COP1: variants seen among roughly 807,000 people sequenced by gnomAD.
COP1 encodes COP1 E3 ubiquitin ligase, also known as E3 ubiquitin-protein ligase COP1.
Under a neutral mutation model 101.3 loss-of-function variants are expected in COP1, and 24 were observed. That is an observed-to-expected ratio of 0.24 (90% CI 0.17 to 0.33). The LOEUF is 0.33. COP1 is among the 10% of genes least tolerant of loss of function. COP1 has a pLI of 1.00. For synonymous variants in COP1, 347 were observed against 341.9 expected, an observed-to-expected ratio of 1.01 and a Z score of -0.17; for missense variants, 663 against 906.2, an observed-to-expected ratio of 0.73 and a Z score of 3.45.
At chr1:176,128,779 A>T (rs1262866559) in intron 8 of COP1, among the ~76,000 whole-genome samples, 1 of 151,784 alleles carries the variant, frequency 6.6e-6, no homozygotes, top group Non-Finnish European at 1.5e-5. Flanking sequence ...TTCCTGCATT[A>T]AAAAAAATTT....
chr1:176,152,534 G>A (rs535187449), intron 5 of COP1, among the ~76,000 whole-genome samples: 4 of 151,480 alleles, frequency 2.6e-5, no homozygotes, highest in Non-Finnish European at 5.9e-5. Context: ...TGCAGCCTCC[G>A]CTCCCCAAGG....
chr1:176,143,135 A>AGAGAGAGAGAGAGAGC (rs1270316437), intron 6 of COP1, among the ~76,000 whole-genome samples: 4 of 149,084 alleles, frequency 2.7e-5, no homozygotes, highest in Non-Finnish European at 5.9e-5. Context: ...AGAGAGAGAG[A>AGAGAGAGAGAGAGAGC]GAGCGAGAGA....
chr1:175,990,828 T>C (rs1658241445), intron 15 of COP1, among the ~76,000 whole-genome samples: 1 of 152,138 alleles, frequency 6.6e-6, no homozygotes, highest in Non-Finnish European at 1.5e-5. Flanking sequence ...TATATCTTTT[T>C]CCATCCTGTT....
intron 5 of COP1, among the ~76,000 whole-genome samples, chr1:176,161,155 T>C (rs776193316): frequency 9.2e-5 from 14 of 152,222 alleles, no homozygotes; most frequent in Non-Finnish European, 1.8e-4. Flanking sequence ...TGTCCATCTG[T>C]TTCATAGCTT....
intron 1 of COP1, among the ~76,000 whole-genome samples, chr1:176,199,555 G>A (rs910366671): frequency 6.6e-6 from 1 of 151,970 alleles, no homozygotes; most frequent in Non-Finnish European, 1.5e-5. Flanking sequence ...TATATAAGCA[G>A]TTCATGTTAT....
chr1:176,069,735 G>A (rs555147538), intron 11 of COP1, among the ~76,000 whole-genome samples: 52 of 152,264 alleles, frequency 3.4e-4, no homozygotes, highest in Admixed American at 1.2e-3. Flanking sequence ...CTCTCTTCTT[G>A]TTTCCTTATA....
intron 12 of COP1, among the ~76,000 whole-genome samples, chr1:176,044,419 T>C (rs1008269776): frequency 6.6e-6 from 1 of 152,216 alleles, no homozygotes; most frequent in African/African-American, 2.4e-5. Flanking sequence ...GATACATATC[T>C]GCATCACGCA....
At chr1:176,171,199 C>T (rs1465795205) in intron 3 of COP1, among the ~76,000 whole-genome samples, 1 of 150,692 alleles carries the variant, frequency 6.6e-6, no homozygotes, top group East Asian at 2.0e-4. Flanking sequence ...TAGCCACCTT[C>T]AACAATGATT....
intron 11 of COP1, among the ~76,000 whole-genome samples, chr1:176,078,006 T>C (rs1443898554): frequency 6.6e-6 from 1 of 151,934 alleles, no homozygotes; most frequent in Admixed American, 6.6e-5. Context: ...ATGACACAAA[T>C]AAATGGAAAA....
rs553170875 is a variant in COP1 at position 176,125,537 on chromosome 1, G to A, written c.969-8856C>T. Among the ~76,000 whole-genome samples the A allele has an allele frequency of 9.7e-4, 147 of 152,104 alleles. 1 individual carries two copies. The highest frequency in any genetic ancestry group is 1.9e-3 in the Non-Finnish European group (131 of 68,008). On this transcript the variant is annotated intron_variant, in intron 8 of 19. Coordinates refer to ENST00000367669, the MANE Select transcript of COP1 (RefSeq NM_022457.7). Reference sequence around the variant, plus strand: ...CTTTGTCAAAAACGAGTTCACTGTAGGTGTGTGGATTTGTTTCGGGGTCCT... The same window carrying A: ...CTTTGTCAAAAACGAGTTCACTGTAAGTGTGTGGATTTGTTTCGGGGTCCT...
chr1:176,119,395 G>C (rs1686731239), intron 8 of COP1, among the ~76,000 whole-genome samples: 1 of 151,944 alleles, frequency 6.6e-6, no homozygotes, highest in African/African-American at 2.4e-5. Flanking sequence ...GAATGATATT[G>C]ATATCTCAGT....
chr1:176,073,275 A>G (rs947045092), intron 11 of COP1, among the ~76,000 whole-genome samples: 6 of 152,338 alleles, frequency 3.9e-5, no homozygotes, highest in Admixed American at 2.0e-4. Flanking sequence ...TCTAGCATCA[A>G]TGAATGCCAC....
At chr1:175,996,821 GC>G (rs1271462591) in intron 15 of COP1, among the ~76,000 whole-genome samples, 14 of 152,234 alleles carry the variant, frequency 9.2e-5, no homozygotes, top group Admixed American at 2.6e-4. Flanking sequence ...TGGCCATACT[GC>G]CCAAGGTAAT....
intron 17 of COP1, among the ~76,000 whole-genome samples, chr1:175,988,055 A>T (rs1657543400): frequency 6.6e-6 from 1 of 152,226 alleles, no homozygotes; most frequent in South Asian, 2.1e-4. Context: ...GTTAAAAATC[A>T]GGTGTTCAGG....
intron 18 of COP1, among the ~76,000 whole-genome samples, chr1:175,964,771 A>G (rs1651791402): frequency 6.6e-6 from 1 of 152,238 alleles, no homozygotes; most frequent in Admixed American, 6.5e-5. Flanking sequence ...AGTGAGAAAC[A>G]TGGCTGAATT....
intron 9 of COP1, among the ~76,000 whole-genome samples, chr1:176,108,676 G>GT (rs1425697969): frequency 1.3e-5 from 2 of 151,610 alleles, no homozygotes; most frequent in East Asian, 3.9e-4. Flanking sequence ...GATTTCTTTG[G>GT]TATCTAGTAT....
intron 15 of COP1, among the ~76,000 whole-genome samples, chr1:176,005,528 T>C (rs1362343994): frequency 6.6e-6 from 1 of 152,204 alleles, no homozygotes; most frequent in Non-Finnish European, 1.5e-5. Flanking sequence ...TTTGAATGTG[T>C]CCCAGAGATT....
chr1:176,007,596 C>T (rs570984450), intron 15 of COP1, among the ~76,000 whole-genome samples: 163 of 151,786 alleles, frequency 1.1e-3, no homozygotes, highest in African/African-American at 3.8e-3. Context: ...TGTTGGAATA[C>T]CCTGCCGTGT....
At chr1:176,040,265 C>T (rs958472233) in intron 14 of COP1, among the ~76,000 whole-genome samples, 5 of 151,682 alleles carry the variant, frequency 3.3e-5, no homozygotes, top group African/African-American at 1.2e-4. Context: ...CTTTTTCTCA[C>T]CTCCCTTCCT....
Sources: allele counts gnomAD v4.1 joint callset (sites outside exome capture counted in the v4.1 genomes callset), GRCh38; gene constraint gnomAD v4.1.1; transcripts MANE v1.5; gene names NCBI Gene and HGNC (gene_info 2026-07-23, HGNC 2026-07-21).